MTA1: variants seen among roughly 807,000 people sequenced by gnomAD.
The protein encoded by MTA1 is metastasis associated 1.
In MTA1, 15 loss-of-function variants were observed where a neutral mutation model predicts 97.0. The observed-to-expected ratio is 0.15, with a 90% CI of 0.10 to 0.24. The LOEUF is 0.24. Among genes scored for constraint, MTA1 ranks in the 10% least tolerant of loss-of-function variants. MTA1 has a pLI of 1.00. For synonymous variants in MTA1, 435 were observed against 417.5 expected, an observed-to-expected ratio of 1.04 and a Z score of -0.51; for missense variants, 709 against 1,015.1, an observed-to-expected ratio of 0.70 and a Z score of 4.10.
chr14:105,448,445 G>C (rs1555427776), intron 3 of MTA1, among the ~76,000 whole-genome samples: 1 of 152,188 alleles, frequency 6.6e-6, no homozygotes, highest in African/African-American at 2.4e-5. Flanking sequence ...TCAGTGCTCG[G>C]ATGGGGCCTG....
At chr14:105,462,217 A>T (rs1014172735) in intron 10 of MTA1, among the ~76,000 whole-genome samples, 4 of 67,484 alleles carry the variant, frequency 5.9e-5, no homozygotes, top group African/African-American at 1.1e-4. Flanking sequence ...TTCCTGCCAG[A>T]TGCAGTGGAC....
chr14:105,454,370 C>T (rs2083061961), intron 7 of MTA1, 60 bp downstream of exon 7: 4 of 1,235,562 alleles, frequency 3.2e-6, no homozygotes, highest in Admixed American at 3.4e-5. Flanking sequence ...CCGGGTGACA[C>T]ACTGGGTGAG....
At position 105,420,396 on chromosome 14, in the gene MTA1, C is replaced by T. The variant is rs1480192050; in HGVS notation, c.28+333C>T. On this transcript the variant is annotated intron_variant, in intron 1 of 20. Coordinates refer to ENST00000331320, the MANE Select transcript of MTA1 (RefSeq NM_004689.4). This position sits in a 1 kb window ranked among gnomAD's most constrained non-coding sequence, Gnocchi z 5.3. ...CGGGGCCGGGAGCCCCCAGCGGGAG[C>T]ACGTGGCCTTGGGAGGCGCCGGCTG... is the stretch of plus-strand genomic sequence containing the variant. 2.0e-5 allele frequency among the ~76,000 whole-genome samples: 3 copies of T among 151,978 alleles called. No homozygotes were observed. The highest frequency in any genetic ancestry group is 4.4e-5 in the Non-Finnish European group (3 of 67,942).
At position 105,440,454 on chromosome 14, in the gene MTA1, C is replaced by T. The variant is rs367763119; in HGVS notation, c.96+1715C>T. 6.6e-3 allele frequency among the ~76,000 whole-genome samples: 1,000 copies of T among 152,338 alleles called. 13 individuals are homozygous for T. Among genetic ancestry groups the T allele is most frequent in the African/African-American group, 0.023 (937 of 41,584 alleles). ...GGAGGCTGCAGTGCCTCCGTGGGCG[C>T]CTGGCCGAGTGCCACTGCTGGGAGG... On this transcript the variant is annotated intron_variant, in intron 2 of 20. Transcript: ENST00000331320.
At chr14:105,457,928 AAAT>A (rs587603915) in intron 7 of MTA1, among the ~76,000 whole-genome samples, 13 of 150,680 alleles carry the variant, frequency 8.6e-5, no homozygotes, top group South Asian at 2.1e-4. Context: ...CCGTCTCAAA[AAAT>A]AATAATAATA....
intron 1 of MTA1, among the ~76,000 whole-genome samples, chr14:105,434,576 G>A (rs1555424014): frequency 1.4e-5 from 2 of 143,442 alleles, no homozygotes; most frequent in South Asian, 2.2e-4. Flanking sequence ...TCAGCTCACC[G>A]CAACCTCCGC....
In MTA1 at chr14:105,458,235, C is replaced by G. The variant is rs75891294; in HGVS notation, c.551-35C>G. The G allele has an allele frequency of 4.8e-4, 766 of 1,590,312 alleles. 8 individuals are homozygous for G. The East Asian group carries it at 0.016, about 33-fold the overall frequency. The stretch of plus-strand genomic sequence containing the variant: ...AGGCGCGGCCCGGCGCGCCGTGGGA[C>G]CCCGTCTCAGAAAGGCCACACTTCC... On this transcript the variant is annotated intron_variant, in intron 7 of 20. Transcript: ENST00000331320.
chr14:105,447,254 C>A (rs587732752), intron 3 of MTA1, among the ~76,000 whole-genome samples: 2 of 152,132 alleles, frequency 1.3e-5, no homozygotes, highest in South Asian at 2.1e-4. Flanking sequence ...CCAGGCTGAG[C>A]GGCCGCAGTG....
intron 10 of MTA1, among the ~76,000 whole-genome samples, chr14:105,461,379 A>C (rs1450195681): frequency 6.6e-6 from 1 of 152,214 alleles, no homozygotes; most frequent in Non-Finnish European, 1.5e-5. Flanking sequence ...AGTTTAGCCC[A>C]GCAGCAGGCC....
Position 105,463,593 on chromosome 14 carries a change from G to T in MTA1, c.1076+42G>T, listed in dbSNP as rs781839496. The T allele has an allele frequency of 1.1e-5, 17 of 1,597,916 alleles. No individual in the cohort carries two copies. The South Asian group carries it at 1.4e-4, about 13-fold the overall frequency. On this transcript the variant is annotated intron_variant, in intron 12 of 20. Transcript: ENST00000331320. This position sits in a 1 kb window ranked among gnomAD's most constrained non-coding sequence, Gnocchi z 5.9. ...AGCCGTCGTCCTCGTGGCCCCGGGG[G>T]CCAGGGAGGGTGGGCACAGGGTGCT...
intron 18 of MTA1, 107 bp downstream of exon 18, chr14:105,466,849 C>A: frequency 1.7e-6 from 2 of 1,176,202 alleles, no homozygotes; most frequent in Non-Finnish European, 2.4e-6. Context: ...ATGCTTGGGG[C>A]AGTCCACGTG....
At chr14:105,431,001 G>A (rs1406758674) in intron 1 of MTA1, among the ~76,000 whole-genome samples, 1 of 152,154 alleles carries the variant, frequency 6.6e-6, no homozygotes, top group East Asian at 1.9e-4. Flanking sequence ...AGTCTCACAC[G>A]TTCAACACAG....
Position 105,419,874 on chromosome 14 carries a change from TCGGCGGCCTCGG to T in MTA1, c.-154_-143del. On this transcript the variant is annotated 5_prime_UTR_variant, in exon 1 of 21. Coordinates refer to ENST00000331320, the MANE Select transcript of MTA1 (RefSeq NM_004689.4). ...GCGGCCCTCCCGTCCCTGCGCGGCC[TCGGCGGCCTCGG>T]CGGCGGCGGCGGCGGCGGCGGCGGC... The T allele has an allele frequency of 1.2e-5, 2 of 169,712 alleles. No homozygotes were observed. Among genetic ancestry groups the T allele is most frequent in the South Asian group, 1.8e-4 (1 of 5,662 alleles). The allele number at this position is 169,712 out of a possible 1,614,324, so 10.5% of individuals were successfully genotyped here. A position where few individuals can be genotyped will look rare whatever the true frequency, so the allele number is the denominator to read the frequency against.
chr14:105,456,535 C>T (rs891151808), intron 7 of MTA1, among the ~76,000 whole-genome samples: 17 of 152,244 alleles, frequency 1.1e-4, no homozygotes, highest in Non-Finnish European at 2.1e-4. Context: ...CCAGGGATCC[C>T]ACCAGCTGGT....
In MTA1 at chr14:105,463,566, A is replaced by T; in HGVS notation, c.1076+15A>T. ...ATTCCCAACTAGTAAGTGTGCCCTC[A>T]CAGCCGTCGTCCTCGTGGCCCCGGG... is the stretch of plus-strand genomic sequence containing the variant. On this transcript the variant is annotated intron_variant, in intron 12 of 20. Coordinates refer to ENST00000331320, the MANE Select transcript of MTA1 (RefSeq NM_004689.4). The surrounding 1 kb of genome is among the most constrained non-coding windows in gnomAD (Gnocchi z 5.9). The T allele has an allele frequency of 6.2e-7, 1 of 1,612,414 alleles. No homozygotes were observed. Among genetic ancestry groups the T allele is most frequent in the South Asian group, 1.1e-5 (1 of 91,080 alleles).
intron 16 of MTA1, chr14:105,465,666 G>A (rs2083548922): frequency 6.5e-6 from 1 of 153,006 alleles, no homozygotes. Context: ...TCGGCAGGGG[G>A]AGGAGCAGCC....
intron 3 of MTA1, among the ~76,000 whole-genome samples, chr14:105,448,025 C>T (rs1404540109): frequency 6.6e-6 from 1 of 152,132 alleles, no homozygotes; most frequent in Non-Finnish European, 1.5e-5. Context: ...AGACACCCGC[C>T]AGGCTGCACT....
In MTA1 at chr14:105,463,085, C is replaced by T. The variant is rs587692229; in HGVS notation, c.943-99C>T. On this transcript the variant is annotated intron_variant, in intron 10 of 20. Transcript: ENST00000331320. This position sits in a 1 kb window ranked among gnomAD's most constrained non-coding sequence, Gnocchi z 5.9. The stretch of plus-strand genomic sequence containing the variant: ...GCACACCTCGCCCTCTGGCCTCCCG[C>T]CCCCTCTGTGGCCTTCTGGCCGCAG... 14 of 1,219,984 alleles carry T rather than the reference C, an allele frequency of 1.1e-5. No homozygotes were observed. The African/African-American group carries it at 1.6e-4, about 14-fold the overall frequency. The allele number at this position is 1,219,984 out of a possible 1,614,324, so 75.6% of individuals were successfully genotyped here. A position where few individuals can be genotyped will look rare whatever the true frequency, so the allele number is the denominator to read the frequency against.
intron 4 of MTA1, 91 bp from the exon 5 acceptor site, chr14:105,449,967 G>A: frequency 6.4e-7 from 1 of 1,572,554 alleles, no homozygotes; most frequent in Non-Finnish European, 8.7e-7. Context: ...TGGGCCTCCT[G>A]CGTGCTGGCG....
Sources: gnomAD v4.1 joint callset for allele counts (sites outside exome capture counted in the v4.1 genomes callset) on GRCh38, gnomAD v4.1.1 for gene constraint, Gnocchi (gnomAD v3.1) non-coding constraint, MANE v1.5 for transcripts, NCBI Gene and HGNC (gene_info 2026-07-23, HGNC 2026-07-21) for gene names.